The following PLXDC2 variants were observed in gnomAD, a reference collection of about 807,000 sequenced individuals.
PLXDC2 encodes plexin domain containing 2.
Under a neutral mutation model 68.9 loss-of-function variants are expected in PLXDC2, and 40 were observed. That is an observed-to-expected ratio of 0.58 (90% CI 0.45 to 0.76). PLXDC2 has a LOEUF of 0.76. Among genes scored for constraint, PLXDC2 ranks in the 30% least tolerant of loss-of-function variants. PLXDC2 has a pLI of 0.00. For missense variants in PLXDC2, 644 were observed against 661.9 expected (o/e 0.97, Z 0.30); for synonymous variants, 243 against 234.2 (o/e 1.04, Z -0.34).
intron 2 of PLXDC2, among the ~76,000 whole-genome samples, chr10:20,010,721 C>T (rs765531266): frequency 3.1e-4 from 47 of 152,150 alleles, no homozygotes; most frequent in Admixed American, 5.9e-4. Flanking sequence ...AATTATGTTT[C>T]AGGGTGAATA....
intron 4 of PLXDC2, among the ~76,000 whole-genome samples, chr10:20,125,659 T>C (rs931410783): frequency 1.3e-5 from 2 of 152,202 alleles, no homozygotes; most frequent in African/African-American, 4.8e-5. Context: ...TATAGAGCTC[T>C]GATTTTAAAA....
At chr10:19,968,304 C>T (rs937079745) in intron 1 of PLXDC2, among the ~76,000 whole-genome samples, 3 of 151,934 alleles carry the variant, frequency 2.0e-5, no homozygotes, top group Non-Finnish European at 4.4e-5. Context: ...CCTCACTGAT[C>T]TCCTTCATTG....
chr10:19,854,563 G>T (rs1837180351), intron 1 of PLXDC2, among the ~76,000 whole-genome samples: 1 of 152,128 alleles, frequency 6.6e-6, no homozygotes. Context: ...AAATATCTTG[G>T]TTGAGAAATG....
Position 19,936,314 on chromosome 10 carries a change from G to C in PLXDC2, c.113-65461G>C, listed in dbSNP as rs548622272. Among the ~76,000 whole-genome samples, 100 of 152,220 alleles carry C rather than the reference G, an allele frequency of 6.6e-4. 2 individuals are homozygous for C. The South Asian group carries it at 0.021, about 32-fold the overall frequency. On this transcript the variant is annotated intron_variant, in intron 1 of 13. Transcript: ENST00000377252. ...GATAGATTGGTTTTGTCTGCTTTAT[G>C]CTTTATGTCAGGGGTTGGCAAATGT... is the stretch of plus-strand genomic sequence containing the variant.
chr10:20,118,983 T>C (rs1039909736), intron 4 of PLXDC2, among the ~76,000 whole-genome samples: 2 of 151,230 alleles, frequency 1.3e-5, no homozygotes, highest in Non-Finnish European at 1.5e-5. Context: ...CAGTAGAAAC[T>C]CTTTGGGAAT....
intron 2 of PLXDC2, among the ~76,000 whole-genome samples, chr10:20,013,645 A>G (rs543637732): frequency 1.2e-4 from 18 of 152,328 alleles, no homozygotes; most frequent in Admixed American, 8.5e-4. Flanking sequence ...TTAAAATTCT[A>G]TGCTCTGAAA....
chr10:20,243,365 A>G (rs956921802), intron 12 of PLXDC2, among the ~76,000 whole-genome samples: 28 of 152,360 alleles, frequency 1.8e-4, no homozygotes, highest in Middle Eastern at 6.8e-3. Flanking sequence ...TCCCTGACAC[A>G]GTATAAATGA....
chr10:19,965,736 A>G (rs1332586056), intron 1 of PLXDC2, among the ~76,000 whole-genome samples: 4 of 151,556 alleles, frequency 2.6e-5, no homozygotes, highest in African/African-American at 4.9e-5. Context: ...GGGGTTACAT[A>G]ATTCAATGAA....
At chr10:20,069,192 G>A (rs1236398392) in intron 4 of PLXDC2, among the ~76,000 whole-genome samples, 2 of 152,108 alleles carry the variant, frequency 1.3e-5, no homozygotes, top group Non-Finnish European at 2.9e-5. Context: ...AGACCTAGAA[G>A]ATATTTAGGA....
At chr10:20,064,048 C>T (rs1298131569) in intron 3 of PLXDC2, among the ~76,000 whole-genome samples, 3 of 151,252 alleles carry the variant, frequency 2.0e-5, no homozygotes, top group African/African-American at 7.3e-5. Context: ...TACTTCTGAG[C>T]TTTTGTTTTC....
intron 1 of PLXDC2, among the ~76,000 whole-genome samples, chr10:19,947,329 C>T (rs2131403225): frequency 1.3e-5 from 2 of 152,286 alleles, no homozygotes; most frequent in South Asian, 4.1e-4. Flanking sequence ...GTTATAGCAG[C>T]AATGGGAAAC....
At chr10:19,895,947 G>T (rs1838049791) in intron 1 of PLXDC2, among the ~76,000 whole-genome samples, 1 of 152,216 alleles carries the variant, frequency 6.6e-6, no homozygotes, top group East Asian at 1.9e-4. Context: ...GGAAAAGTAG[G>T]TCTGAGAAGG....
At chr10:20,131,591 G>T (rs970000078) in intron 4 of PLXDC2, among the ~76,000 whole-genome samples, 1 of 151,958 alleles carries the variant, frequency 6.6e-6, no homozygotes, top group Non-Finnish European at 1.5e-5. Context: ...ATAGAGACAG[G>T]GTTTCATCAT....
At chr10:19,907,403 G>A (rs1216594723) in intron 1 of PLXDC2, among the ~76,000 whole-genome samples, 1 of 152,132 alleles carries the variant, frequency 6.6e-6, no homozygotes, top group Non-Finnish European at 1.5e-5. Flanking sequence ...TTCACAGTAT[G>A]TAGGAAAATC....
chr10:20,199,973 T>C (rs1834895169), intron 9 of PLXDC2, among the ~76,000 whole-genome samples: 1 of 151,830 alleles, frequency 6.6e-6, no homozygotes, highest in African/African-American at 2.4e-5. Context: ...TTTCGAGAAA[T>C]AAACTAAGAA....
chr10:20,055,853 A>G (rs1306256069), intron 3 of PLXDC2, among the ~76,000 whole-genome samples: 1 of 152,180 alleles, frequency 6.6e-6, no homozygotes, highest in East Asian at 1.9e-4. Context: ...TCAAATTCTA[A>G]ATACTCAGAA....
chr10:20,169,643 C>A (rs1329727256), intron 7 of PLXDC2, among the ~76,000 whole-genome samples: 1 of 152,200 alleles, frequency 6.6e-6, no homozygotes, highest in Non-Finnish European at 1.5e-5. Flanking sequence ...TCGGGCCTCA[C>A]TGTTTCTCTA....
At chr10:19,938,366 G>A (rs577473925) in intron 1 of PLXDC2, among the ~76,000 whole-genome samples, 1 of 152,270 alleles carries the variant, frequency 6.6e-6, no homozygotes, top group South Asian at 2.1e-4. Context: ...AAGAAAAGAG[G>A]TTTCATTGAC....
rs114220308 is a variant in PLXDC2, at chr10:20,159,702, C to T, written c.784-4766C>T. 6.6e-3 allele frequency among the ~76,000 whole-genome samples: 1,008 copies of T among 152,290 alleles called. 8 individuals are homozygous for T. The highest frequency in any genetic ancestry group is 0.023 in the African/African-American group (951 of 41,554). On this transcript the variant is annotated intron_variant, in intron 6 of 13. Transcript: ENST00000377252. The stretch of plus-strand genomic sequence containing the variant: ...TCCCTATGATCTGCCCCTACCACCT[C>T]CCATCACCTTTGACACACTTGTTTA...
Sources: gnomAD v4.1 joint callset for allele counts (sites outside exome capture counted in the v4.1 genomes callset) on GRCh38, gnomAD v4.1.1 for gene constraint, MANE v1.5 for transcripts, NCBI Gene and HGNC (gene_info 2026-07-23, HGNC 2026-07-21) for gene names.